Variants in PTPRA observed in about 807,000 individuals in gnomAD.
PTPRA encodes the protein protein tyrosine phosphatase receptor type A.
PTPRA carries 25 observed loss-of-function variants against 104.8 expected under a neutral mutation model. The observed-to-expected ratio is 0.24, with a 90% CI of 0.17 to 0.33. The LOEUF is 0.33. Among genes scored for constraint, PTPRA ranks in the 10% least tolerant of loss-of-function variants. The pLI is 1.00. For missense variants in PTPRA, 765 were observed against 1,015.3 expected (o/e 0.75, Z 3.35); for synonymous variants, 323 against 368.9 (o/e 0.88, Z 1.43).
rs527798122 is a variant in PTPRA at position 3,026,794 on chromosome 20, C to T, written c.1708+14C>T. ...AGATCATTCCATGTAAGAGCCCTCC[C>T]GCCACTCCAAAGCCTTATTGCCCCA... On this transcript the variant is annotated intron_variant, in intron 18 of 23. Coordinates refer to ENST00000399903, the MANE Select transcript of PTPRA (RefSeq NM_001385305.1). 89 of 1,580,364 alleles carry T rather than the reference C, an allele frequency of 5.6e-5. No individual in the cohort carries two copies. Among genetic ancestry groups the T allele is most frequent in the African/African-American group, 8.1e-5 (6 of 74,262 alleles).
At chr20:2,999,036 G>C (rs979114696) in intron 9 of PTPRA, among the ~76,000 whole-genome samples, 1 of 151,676 alleles carries the variant, frequency 6.6e-6, no homozygotes, top group Non-Finnish European at 1.5e-5. Flanking sequence ...TAGCAAGGTT[G>C]CTAGATACAG....
chr20:2,965,739 CA>C (rs2061921737), intron 5 of PTPRA, among the ~76,000 whole-genome samples: 1 of 152,244 alleles, frequency 6.6e-6, no homozygotes, highest in East Asian at 1.9e-4. Flanking sequence ...GGCCAGTGGC[CA>C]GGGGTGGCAT....
At chr20:2,886,749 G>T (rs1415941229) in intron 1 of PTPRA, among the ~76,000 whole-genome samples, 1 of 151,066 alleles carries the variant, frequency 6.6e-6, no homozygotes, top group Non-Finnish European at 1.5e-5. Flanking sequence ...CCAGCTACTC[G>T]GGAGGCTGAG....
At chr20:2,998,148 C>T (rs1279865386) in intron 9 of PTPRA, among the ~76,000 whole-genome samples, 1 of 148,838 alleles carries the variant, frequency 6.7e-6, no homozygotes, top group African/African-American at 2.5e-5. Context: ...GCCCTCCAGC[C>T]TCCTGGCTAC....
At chr20:3,025,392 G>T (rs2065082223) in intron 17 of PTPRA, among the ~76,000 whole-genome samples, 1 of 149,230 alleles carries the variant, frequency 6.7e-6, no homozygotes, top group Admixed American at 6.7e-5. Flanking sequence ...GGCAGAGGTT[G>T]CAGTGAGCCG....
chr20:2,918,107 AAGAC>A (rs2059972850), intron 1 of PTPRA, among the ~76,000 whole-genome samples: 2 of 146,266 alleles, frequency 1.4e-5, no homozygotes, highest in Non-Finnish European at 3.0e-5. Flanking sequence ...AAAAAAAAAA[AAGAC>A]AGTGTTTTTT....
chr20:2,959,946 G>A (rs548644447), intron 3 of PTPRA, among the ~76,000 whole-genome samples: 17 of 151,922 alleles, frequency 1.1e-4, no homozygotes, highest in South Asian at 8.3e-4. Context: ...GTGAGACTCC[G>A]TCCTAAAAAA....
intron 5 of PTPRA, among the ~76,000 whole-genome samples, chr20:2,967,411 T>C (rs1315023858): frequency 2.6e-5 from 4 of 152,238 alleles, no homozygotes; most frequent in Admixed American, 2.6e-4. Flanking sequence ...CCAGTCCTCC[T>C]GTAACAGTTA....
In PTPRA at chr20:2,923,273, T is replaced by C. The variant is rs1184301598; in HGVS notation, c.-62T>C. 7.8e-7 allele frequency: 1 copy of C among 1,286,672 alleles called. No homozygotes were observed. Among genetic ancestry groups the C allele is most frequent in the Non-Finnish European group, 1.0e-6 (1 of 987,578 alleles). The allele number at this position is 1,286,672 out of a possible 1,614,324, so 79.7% of individuals were successfully genotyped here. A position where few individuals can be genotyped will look rare whatever the true frequency, so the allele number is the denominator to read the frequency against. On this transcript the variant is annotated 5_prime_UTR_variant, in exon 2 of 24. Coordinates refer to ENST00000399903, the MANE Select transcript of PTPRA (RefSeq NM_001385305.1). The stretch of plus-strand genomic sequence containing the variant: ...ACTGAGTGGTAATGGATGATGCAGT[T>C]CAAATAACTAAGGTAAGAGAAATAA...
intron 6 of PTPRA, among the ~76,000 whole-genome samples, chr20:2,985,569 G>A (rs896618581): frequency 6.6e-6 from 1 of 152,108 alleles, no homozygotes; most frequent in Admixed American, 6.6e-5. Context: ...CTGGCCAGCT[G>A]CATGAGAAAA....
rs552826526 is a variant in PTPRA at position 2,900,857 on chromosome 20, C to CAA, written c.-128-22336_-128-22335dup. 7.3e-3 allele frequency among the ~76,000 whole-genome samples: 901 copies of CAA among 123,826 alleles called. 10 individuals are homozygous for CAA. Among genetic ancestry groups the CAA allele is most frequent in the South Asian group, 0.03 (116 of 3,882 alleles). The allele number at this position is 123,826 out of a possible 152,430, so 81.2% of individuals were successfully genotyped here. A position where few individuals can be genotyped will look rare whatever the true frequency, so the allele number is the denominator to read the frequency against. ...GAGCAACAAGAGCGAAACTCCATCT[C>CAA]AAAAAAAAAAAAAAATAGCTTCTCC... On this transcript the variant is annotated intron_variant, in intron 1 of 23. Coordinates refer to ENST00000399903, the MANE Select transcript of PTPRA (RefSeq NM_001385305.1).
At chr20:3,026,245 T>G (rs933189298) in intron 17 of PTPRA, among the ~76,000 whole-genome samples, 7 of 152,194 alleles carry the variant, frequency 4.6e-5, no homozygotes, top group Non-Finnish European at 7.3e-5. Context: ...CTTGAGATTC[T>G]GCATTTCTAA....
At position 2,883,509 on chromosome 20, in the gene PTPRA, G is replaced by A. The variant is rs1299059040; in HGVS notation, c.-129+9749G>A. Among the ~76,000 whole-genome samples the A allele has an allele frequency of 2.8e-5, 2 of 70,618 alleles. 1 individual carries two copies. Among genetic ancestry groups the A allele is most frequent in the Admixed American group, 3.3e-4 (2 of 6,034 alleles). 46.3% of individuals were successfully genotyped at this position (70,618 alleles called of 152,430 possible). A position where few individuals can be genotyped will look rare whatever the true frequency, so the allele number is the denominator to read the frequency against. ...CCACTAAAAATACAAAAAATTAGCC[G>A]GGCGTGGTGGCGGGCGCCTGTAGTC... is the stretch of plus-strand genomic sequence containing the variant. On this transcript the variant is annotated intron_variant, in intron 1 of 23. Transcript: ENST00000399903.
Position 3,037,304 on chromosome 20 carries a change from T to G in PTPRA, c.2334+15T>G, listed in dbSNP as rs770265346. On this transcript the variant is annotated intron_variant, in intron 23 of 23. Coordinates refer to ENST00000399903, the MANE Select transcript of PTPRA (RefSeq NM_001385305.1). This position sits in a 1 kb window ranked among gnomAD's most constrained non-coding sequence, Gnocchi z 4.3. ...TCCAGACACTGGTATGCTGCCCACA[T>G]ATTTGTCCCTGCCACCACACCACCT... 47 of 1,613,004 alleles carry G rather than the reference T, an allele frequency of 2.9e-5. No homozygotes were observed. Among genetic ancestry groups the G allele is most frequent in the Non-Finnish European group, 3.8e-5 (45 of 1,179,512 alleles).
chr20:2,998,025 G>T (rs1488690177), intron 9 of PTPRA, among the ~76,000 whole-genome samples: 1 of 151,988 alleles, frequency 6.6e-6, no homozygotes, highest in Non-Finnish European at 1.5e-5. Context: ...GCTACTCAGG[G>T]GGCTGAGGTG....
intron 9 of PTPRA, among the ~76,000 whole-genome samples, chr20:2,993,075 T>A (rs2063252419): frequency 6.6e-6 from 1 of 151,710 alleles, no homozygotes; most frequent in African/African-American, 2.4e-5. Flanking sequence ...CAGAGCAAGA[T>A]CTTGTCTCTA....
chr20:2,884,502 T>G (rs771690035), intron 1 of PTPRA, among the ~76,000 whole-genome samples: 39 of 152,204 alleles, frequency 2.6e-4, no homozygotes, highest in Non-Finnish European at 4.7e-4. Context: ...ATTGTGGTTT[T>G]TATTTGCATT....
intron 5 of PTPRA, among the ~76,000 whole-genome samples, chr20:2,974,515 C>A (rs766296996): frequency 2.6e-5 from 4 of 151,928 alleles, no homozygotes; most frequent in African/African-American, 9.7e-5. Context: ...CAACCTCCCC[C>A]TCCTGGGTTC....
chr20:2,881,052 T>C (rs2090019967), intron 1 of PTPRA, among the ~76,000 whole-genome samples: 1 of 150,960 alleles, frequency 6.6e-6, no homozygotes, highest in African/African-American at 2.4e-5. Flanking sequence ...GTCACACCTG[T>C]AATCCCAGCA....
Sources: gnomAD v4.1 joint callset for allele counts (sites outside exome capture counted in the v4.1 genomes callset) on GRCh38, gnomAD v4.1.1 for gene constraint, Gnocchi (gnomAD v3.1) non-coding constraint, MANE v1.5 for transcripts, NCBI Gene and HGNC (gene_info 2026-07-23, HGNC 2026-07-21) for gene names.